DNAH17: variants seen among roughly 807,000 people sequenced by gnomAD.
DNAH17 encodes the protein dynein axonemal heavy chain 17, also known as axonemal beta dynein heavy chain 17.
Under a neutral mutation model 485.6 loss-of-function variants are expected in DNAH17, and 376 were observed. The ratio of observed to expected loss-of-function variants is 0.77; its 90% CI spans 0.71 to 0.84. The LOEUF is 0.84. Among genes scored for constraint, DNAH17 ranks in the 40% least tolerant of loss-of-function variants. DNAH17 has a pLI of 0.00. For missense variants in DNAH17, 6,370 were observed against 5,839.3 expected (o/e 1.09, Z -2.96); for synonymous variants, 3,031 against 2,405.9 (o/e 1.26, Z -7.60).
rs2092410969 is a variant in DNAH17, at chr17:78,574,813, G to A, written c.245C>T (p.Thr82Ile). 6.2e-7 allele frequency: 1 copy of A among 1,613,930 alleles called. No homozygotes were observed. The highest frequency in any genetic ancestry group is 1.3e-5 in the African/African-American group (1 of 74,934). ...LKSKGVYFIKTKSENINKDNY... is the reference protein window; with the variant it reads ...LKSKGVYFIKIKSENINKDNY... ...GTCCTTGTTGATGTTCTCGGACTTT[G>A]TCTTGATGAAGTAAACCCCTTTGGA... Residue 82 changes from threonine to isoleucine, a missense_variant, in exon 2 of 81, where the codon ACA (threonine) becomes ATA (isoleucine). By Grantham distance (89) the Thr-to-Ile change is moderately conservative. Transcript: ENST00000389840.
intron 2 of DNAH17, among the ~76,000 whole-genome samples, chr17:78,573,211 G>A (rs1057504688): frequency 6.6e-6 from 1 of 152,220 alleles, no homozygotes; most frequent in African/African-American, 2.4e-5. Context: ...TAGGAGGACT[G>A]TGATGGGTCA....
At chr17:78,526,571 T>C (rs2091080414) in intron 24 of DNAH17, 80 bp downstream of exon 24, 2 of 1,285,058 alleles carry the variant, frequency 1.6e-6, no homozygotes, top group Non-Finnish European at 1.1e-6. Flanking sequence ...GTTTCTGGAC[T>C]TGAAAGGATA....
At chr17:78,558,291 G>T (rs369809988) in intron 13 of DNAH17, 37 bp from the exon 14 acceptor site, 5 of 1,607,538 alleles carry the variant, frequency 3.1e-6, no homozygotes, top group Non-Finnish European at 4.2e-6. Flanking sequence ...CATGTCAGCA[G>T]GTCAGGTCAA....
chr17:78,501,209 G>C lies in DNAH17; in HGVS notation c.5458C>G (p.Leu1820Val). The C allele has an allele frequency of 6.3e-7, 1 of 1,593,048 alleles. No homozygotes were observed. Among genetic ancestry groups the C allele is most frequent in the South Asian group, 1.1e-5 (1 of 88,866 alleles). ...SYEYLGNTPR[L>V]VITPLTDRCY... ...CTGTCAGTGAGTGGGGTGATGACCA[G>C]CCGCGGCGTGTTGCCCAGATACTCA... is the stretch of plus-strand genomic sequence containing the variant. Residue 1820 changes from leucine to valine, a missense_variant, in exon 35 of 81, where the codon CTG (leucine) becomes GTG (valine). Coordinates refer to ENST00000389840, the MANE Select transcript of DNAH17 (RefSeq NM_173628.4).
At chr17:78,507,247 C>A (rs762104531) in intron 29 of DNAH17, 31 bp downstream of exon 29, 1 of 1,609,546 alleles carries the variant, frequency 6.2e-7, no homozygotes, top group Non-Finnish European at 8.5e-7. Context: ...GCACCACTGA[C>A]TCCCCTGGTC....
At chr17:78,562,109 A>C in intron 11 of DNAH17, 129 bp from the exon 12 acceptor site, 29 of 1,119,922 alleles carry the variant, frequency 2.6e-5, no homozygotes, top group Non-Finnish European at 3.4e-5. Flanking sequence ...AAACAAAACA[A>C]TCCACTGGAA....
chr17:78,562,125 G>C (rs2092170649), intron 11 of DNAH17, 145 bp from the exon 12 acceptor site: 2 of 1,026,470 alleles, frequency 1.9e-6, no homozygotes, highest in Admixed American at 2.9e-5. Context: ...TGGAACCTTT[G>C]TGTGTGTCAA....
At chr17:78,513,280 A>G (rs1364098075) in intron 26 of DNAH17, among the ~76,000 whole-genome samples, 2 of 152,192 alleles carry the variant, frequency 1.3e-5, no homozygotes, top group African/African-American at 2.4e-5. Context: ...TGTTTGTAGC[A>G]ACATGATACA....
At chr17:78,510,861 G>A (rs75209143) in intron 26 of DNAH17, among the ~76,000 whole-genome samples, 1,569 of 152,022 alleles carry the variant, frequency 0.01, 27 homozygotes, top group African/African-American at 0.035. Flanking sequence ...TGGATTTTCC[G>A]GTGAGACATA....
intron 63 of DNAH17, 69 bp from the exon 64 acceptor site, chr17:78,454,774 C>T (rs1013281928): frequency 2.9e-6 from 4 of 1,357,828 alleles, no homozygotes; most frequent in Non-Finnish European, 4.1e-6. Context: ...AATAGCTCTC[C>T]AAATAATGCT....
intron 58 of DNAH17, 21 bp from the exon 59 acceptor site, chr17:78,460,278 A>G (rs2146529376): frequency 6.4e-7 from 1 of 1,567,548 alleles, no homozygotes; most frequent in Non-Finnish European, 8.7e-7. Context: ...GATGGACAGG[A>G]GAGGTTACTG....
In DNAH17 at chr17:78,561,825, G is replaced by A; in HGVS notation, c.1725C>T (p.Ile575=). ...AQMAASEEGN[I]PLIHKNMPPV... ...GAGGCATGTTTTTGTGGATCAGGGG[G>A]ATGTTCCCCTCCTCGGAGGCCGCCA... The change falls in exon 12 of 81, where the codon ATC becomes ATT. Residue 575 remains isoleucine (I), a synonymous_variant. Coordinates refer to ENST00000389840, the MANE Select transcript of DNAH17 (RefSeq NM_173628.4). 1.2e-6 allele frequency: 2 copies of A among 1,613,886 alleles called. No individual in the cohort carries two copies. The highest frequency in any genetic ancestry group is 1.1e-5 in the South Asian group (1 of 91,056).
intron 49 of DNAH17, among the ~76,000 whole-genome samples, chr17:78,480,166 T>C (rs906675575): frequency 2.3e-4 from 35 of 151,608 alleles, no homozygotes; most frequent in African/African-American, 8.2e-4. Context: ...CTGGCCAATA[T>C]GGTGAAACCC....
chr17:78,568,440 CT>C (rs370677978), intron 9 of DNAH17, among the ~76,000 whole-genome samples: 3 of 152,112 alleles, frequency 2.0e-5, no homozygotes, highest in Non-Finnish European at 4.4e-5. Flanking sequence ...TGATTTTCCC[CT>C]TTTTTAAGGA....
In DNAH17 at chr17:78,506,813, A is replaced by T. The variant is rs1366205432; in HGVS notation, c.4710T>A (p.Tyr1570Ter). 6.2e-7 allele frequency: 1 copy of T among 1,613,874 alleles called. No homozygotes were observed. Among genetic ancestry groups the T allele is most frequent in the East Asian group, 2.2e-5 (1 of 44,902 alleles). Residue 1570 changes from tyrosine (Y) to a stop codon, truncating the protein, a stop_gained, in exon 30 of 81, where the codon TAT becomes TAA. Transcript: ENST00000389840. LOFTEE classifies it high-confidence loss of function. Reference protein sequence around the residue: ...LAICEKALAEYLETKRLAFPR... With the variant: ...LAICEKALAE ...GGAAAGCCAGTCTTTTCGTCTCTAAATACTCTGCCAAAGCCTTTTCACAGA... is the reference window on the plus strand; with the variant it reads ...GGAAAGCCAGTCTTTTCGTCTCTAATTACTCTGCCAAAGCCTTTTCACAGA...
In DNAH17 at chr17:78,558,228, C is replaced by T; in HGVS notation, c.2058G>A (p.Lys686=). 3.7e-6 allele frequency: 6 copies of T among 1,613,764 alleles called. No homozygotes were observed. Among genetic ancestry groups the T allele is most frequent in the Non-Finnish European group, 5.1e-6 (6 of 1,179,822 alleles). ...CTTTCTGTTGCTGGAAATTCAAATA[C>T]TTGACTTCTCTCAGAACTGCCACCA... ...KALVAVLREV[K]YLNFQQQKEI... is the part of the protein sequence containing the mutation. The change falls in exon 14 of 81, where the codon AAG becomes AAA. Residue 686 remains lysine (K), a synonymous_variant. Coordinates refer to ENST00000389840, the MANE Select transcript of DNAH17 (RefSeq NM_173628.4).
At chr17:78,450,095 G>A (rs1033094900) in intron 68 of DNAH17, 159 bp downstream of exon 68, 1 of 856,478 alleles carries the variant, frequency 1.2e-6, no homozygotes, top group Non-Finnish European at 1.8e-6. Flanking sequence ...GGGGCCCCTG[G>A]CTCCCCCTCT....
chr17:78,453,896 C>T (rs1442638960), intron 64 of DNAH17, among the ~76,000 whole-genome samples: 1 of 151,958 alleles, frequency 6.6e-6, no homozygotes. Context: ...GTTGGAGAGA[C>T]AAGGTCTCAC....
intron 72 of DNAH17, among the ~76,000 whole-genome samples, chr17:78,440,543 G>A (rs1568053817): frequency 6.6e-6 from 1 of 152,096 alleles, no homozygotes; most frequent in East Asian, 1.9e-4. Context: ...ACAGGTGTGA[G>A]CTACCGCCCC....
Sources: allele counts gnomAD v4.1 joint callset (sites outside exome capture counted in the v4.1 genomes callset), GRCh38; gene constraint gnomAD v4.1.1; transcripts MANE v1.5; gene names NCBI Gene and HGNC (gene_info 2026-07-23, HGNC 2026-07-21).